The following ARPC2 variants were observed in gnomAD, a reference collection of about 807,000 sequenced individuals.
ARPC2 encodes actin-related protein 2/3 complex subunit 2.
Under a neutral mutation model 38.6 loss-of-function variants are expected in ARPC2, and 4 were observed. The observed-to-expected ratio is 0.10, with a 90% CI of 0.05 to 0.24. The LOEUF (loss-of-function observed/expected upper bound fraction) is 0.24. Ranked by LOEUF, ARPC2 falls within the 10% of genes least tolerant of loss-of-function variation. The pLI is 1.00. For synonymous variants in ARPC2, 125 were observed against 140.8 expected, an observed-to-expected ratio of 0.89 and a Z score of 0.79; for missense variants, 229 against 387.3, an observed-to-expected ratio of 0.59 and a Z score of 3.43.
At chr2:218,238,603 T>TC (rs1689832125) in intron 5 of ARPC2, 61 bp from the exon 6 acceptor site, 1 of 958,030 alleles carries the variant, frequency 1.0e-6, no homozygotes, top group South Asian at 2.0e-5. Context: ...TTTTTTTTTT[T>TC]TTTTTTTTTA....
At chr2:218,242,939 C>T (rs944301366) in intron 7 of ARPC2, among the ~76,000 whole-genome samples, 15 of 152,112 alleles carry the variant, frequency 9.9e-5, no homozygotes, top group African/African-American at 3.6e-4. Context: ...GTTTTTTCCA[C>T]CATGTGGAAG....
chr2:218,224,639 C>T (rs774894318), intron 2 of ARPC2, among the ~76,000 whole-genome samples: 1 of 152,132 alleles, frequency 6.6e-6, no homozygotes, highest in Non-Finnish European at 1.5e-5. Flanking sequence ...TCTGCTTCTC[C>T]GTAAACCCAC....
intron 5 of ARPC2, among the ~76,000 whole-genome samples, chr2:218,238,146 T>C (rs1689817132): frequency 6.6e-6 from 1 of 152,218 alleles, no homozygotes; most frequent in Non-Finnish European, 1.5e-5. Flanking sequence ...TTGGTTTTTC[T>C]ACCCTGCCAC....
chr2:218,235,081 A>G (rs538294542), intron 5 of ARPC2: 96 of 276,244 alleles, frequency 3.5e-4, no homozygotes, highest in African/African-American at 2.1e-3. Context: ...TTTTTACTCA[A>G]CTATTACAAC....
chr2:218,221,564 G>A (rs771974173), intron 2 of ARPC2, among the ~76,000 whole-genome samples: 7 of 152,176 alleles, frequency 4.6e-5, no homozygotes, highest in Non-Finnish European at 1.0e-4. Context: ...AGCTGTGCTG[G>A]ACCAAACTGA....
At chr2:218,242,540 CTG>C (rs1365844497) in intron 7 of ARPC2, among the ~76,000 whole-genome samples, 1 of 152,176 alleles carries the variant, frequency 6.6e-6, no homozygotes, top group East Asian at 1.9e-4. Flanking sequence ...ACTGGGAACA[CTG>C]AGTCCAAGTC....
chr2:218,218,244 T>A (rs1689302907), intron 2 of ARPC2, among the ~76,000 whole-genome samples: 1 of 152,238 alleles, frequency 6.6e-6, no homozygotes, highest in African/African-American at 2.4e-5. Flanking sequence ...CCCACTAGCC[T>A]TTATCTGGTT....
rs1053762077 is a variant in ARPC2, at chr2:218,239,380, G to T, written c.456-11G>T. 7 of 1,597,012 alleles carry T rather than the reference G, an allele frequency of 4.4e-6. No homozygotes were observed. Among genetic ancestry groups the T allele is most frequent in the Non-Finnish European group, 6.0e-6 (7 of 1,164,758 alleles). ...TTCTGTACTTATCCTCATGGATTTT[G>T]TTCCTCTCAGGTATGTTGAGTCTAA... is the stretch of plus-strand genomic sequence containing the variant. On this transcript the variant is annotated splice_polypyrimidine_tract_variant and intron_variant, in intron 6 of 10. Coordinates refer to ENST00000315717, the MANE Select transcript of ARPC2 (RefSeq NM_152862.3).
At position 218,217,253 on chromosome 2, in the gene ARPC2, A is replaced by C; in HGVS notation, c.-10A>C. ...CAGGCGGGTTCAGGCTTCGGGGGCC[A>C]GGTCGGTTGGGTGGGTGGGTGTCTC... On this transcript the variant is annotated splice_region_variant and 5_prime_UTR_variant, in exon 1 of 11. Coordinates refer to ENST00000315717, the MANE Select transcript of ARPC2 (RefSeq NM_152862.3). The C allele has an allele frequency of 4.7e-6, 2 of 428,310 alleles. No individual in the cohort carries two copies. The highest frequency in any genetic ancestry group is 8.2e-6 in the Non-Finnish European group (2 of 243,778). 26.5% of individuals were successfully genotyped at this position (428,310 alleles called of 1,614,324 possible).
chr2:218,229,170 A>G (rs1208464839), intron 4 of ARPC2: 1 of 178,608 alleles, frequency 5.6e-6, no homozygotes, highest in African/African-American at 2.4e-5. Context: ...TTATCAAGGC[A>G]GATAGATAAC....
intron 2 of ARPC2, among the ~76,000 whole-genome samples, chr2:218,220,587 A>AT (rs1356437926): frequency 1.3e-5 from 2 of 151,862 alleles, no homozygotes; most frequent in African/African-American, 4.8e-5. Context: ...ATATAGTTGC[A>AT]TTAATTTTCC....
At chr2:218,240,436 T>C in intron 7 of ARPC2, among the ~76,000 whole-genome samples, 1 of 152,360 alleles carries the variant, frequency 6.6e-6, no homozygotes, top group East Asian at 1.9e-4. Context: ...GTAAGGTGGC[T>C]GCTCTTGGTT....
intron 4 of ARPC2, among the ~76,000 whole-genome samples, chr2:218,230,465 G>GT: frequency 6.6e-6 from 1 of 151,252 alleles, no homozygotes; most frequent in East Asian, 2.0e-4. Flanking sequence ...CTTATTTTTT[G>GT]TTTGTTTGTT....
chr2:218,246,086 G>A (rs1393883443), intron 8 of ARPC2, among the ~76,000 whole-genome samples: 3 of 151,946 alleles, frequency 2.0e-5, no homozygotes, highest in Non-Finnish European at 2.9e-5. Context: ...GCATGGTGGC[G>A]CACGTCTGTA....
chr2:218,249,667 C>T (rs1342021366), intron 9 of ARPC2, 154 bp from the exon 10 acceptor site: 1 of 804,106 alleles, frequency 1.2e-6, no homozygotes, highest in South Asian at 1.8e-5. Flanking sequence ...ATATTTGTTT[C>T]CAGAATTGCT....
intron 5 of ARPC2, among the ~76,000 whole-genome samples, chr2:218,237,009 A>G (rs2106152632): frequency 6.6e-6 from 1 of 152,302 alleles, no homozygotes; most frequent in East Asian, 1.9e-4. Flanking sequence ...TCTATAATCA[A>G]GTGTTCCAGC....
intron 4 of ARPC2, among the ~76,000 whole-genome samples, chr2:218,231,830 G>T (rs993940195): frequency 6.6e-6 from 1 of 152,248 alleles, no homozygotes; most frequent in African/African-American, 2.4e-5. Flanking sequence ...TCAGCCAGGC[G>T]TGGGGGCTCA....
intron 2 of ARPC2, among the ~76,000 whole-genome samples, chr2:218,223,633 A>G (rs750007896): frequency 1.3e-5 from 2 of 152,156 alleles, no homozygotes; most frequent in Non-Finnish European, 2.9e-5. Context: ...TGGGAGGTAG[A>G]TGTTTTGTCC....
chr2:218,252,053 A>G (rs1481495209), intron 10 of ARPC2, among the ~76,000 whole-genome samples: 3 of 152,086 alleles, frequency 2.0e-5, no homozygotes, highest in Non-Finnish European at 4.4e-5. Flanking sequence ...GAGAAACCCC[A>G]TCTCTACTAA....
Sources: allele counts gnomAD v4.1 joint callset (sites outside exome capture counted in the v4.1 genomes callset), GRCh38; gene constraint gnomAD v4.1.1; transcripts MANE v1.5; gene names NCBI Gene and HGNC (gene_info 2026-07-23, HGNC 2026-07-21).